SCEL: variants seen among roughly 807,000 people sequenced by gnomAD.
The protein encoded by SCEL is sciellin.
In SCEL, 113 loss-of-function variants were observed where a neutral mutation model predicts 117.6. The observed-to-expected ratio is 0.96, with a 90% CI of 0.83 to 1.12. The LOEUF (loss-of-function observed/expected upper bound fraction) is 1.12. Ranked by LOEUF, SCEL falls within the 50% of genes most tolerant of loss-of-function variation. The pLI is 0.00. For synonymous variants in SCEL, 270 were observed against 256.2 expected, an observed-to-expected ratio of 1.05 and a Z score of -0.51; for missense variants, 785 against 810.8, an observed-to-expected ratio of 0.97 and a Z score of 0.39.
At chr13:77,636,225 T>C (rs2090271488) in intron 29 of SCEL, among the ~76,000 whole-genome samples, 1 of 152,190 alleles carries the variant, frequency 6.6e-6, no homozygotes, top group Admixed American at 6.5e-5. Context: ...GTAGCCCTAG[T>C]GATGTTACTC....
chr13:77,569,398 C>A lies in SCEL; in HGVS notation c.426C>A (p.Asn142Lys). The change falls in exon 8 of 33, where the codon AAC (asparagine) becomes AAA (lysine). Residue 142 changes from asparagine to lysine, a missense_variant. Asn to Lys is a moderately conservative substitution (Grantham distance 94). Coordinates refer to ENST00000349847, the MANE Select transcript of SCEL (RefSeq NM_144777.3). ...AACCTGGCGGTTCATTGAATGCCAACACCTCCAACACCATAGCATCCACTT... is the reference window on the plus strand; with the variant it reads ...AACCTGGCGGTTCATTGAATGCCAAAACCTCCAACACCATAGCATCCACTT... Reference protein sequence around the residue: ...KLQPGGSLNANTSNTIASTSA... With the variant: ...KLQPGGSLNAKTSNTIASTSA... 6.2e-7 allele frequency: 1 copy of A among 1,613,932 alleles called. No homozygotes were observed. Among genetic ancestry groups the A allele is most frequent in the Non-Finnish European group, 8.5e-7 (1 of 1,179,826 alleles).
At chr13:77,579,731 C>T (rs934120159) in intron 9 of SCEL, among the ~76,000 whole-genome samples, 4 of 152,120 alleles carry the variant, frequency 2.6e-5, no homozygotes, top group African/African-American at 9.7e-5. Flanking sequence ...AGGCAGTAGA[C>T]GTTGTATCTG....
At position 77,568,431 on chromosome 13, in the gene SCEL, C is replaced by T; in HGVS notation, c.398+98C>T. Reference sequence around the variant, plus strand: ...CCAATTTTATTGGAATACAGCCATGCCCCTATTGCTCTGGCAGAGTTGAGT... The same window carrying T: ...CCAATTTTATTGGAATACAGCCATGTCCCTATTGCTCTGGCAGAGTTGAGT... On this transcript the variant is annotated intron_variant, in intron 7 of 32. Transcript: ENST00000349847. The T allele has an allele frequency of 4.4e-6, 3 of 684,976 alleles. No individual in the cohort carries two copies. The South Asian group carries it at 5.3e-5, about 12-fold the overall frequency. 42.4% of individuals were successfully genotyped at this position (684,976 alleles called of 1,614,324 possible). A position where few individuals can be genotyped will look rare whatever the true frequency, so the allele number is the denominator to read the frequency against.
chr13:77,561,528 A>C (rs572662438), intron 4 of SCEL, among the ~76,000 whole-genome samples: 1 of 152,192 alleles, frequency 6.6e-6, no homozygotes, highest in Non-Finnish European at 1.5e-5. Context: ...AGAGGGTATC[A>C]CTTGTCATTT....
chr13:77,585,459 T>C (rs536375706), intron 9 of SCEL, among the ~76,000 whole-genome samples: 1 of 152,210 alleles, frequency 6.6e-6, no homozygotes, highest in South Asian at 2.1e-4. Context: ...CCTGGGGTCA[T>C]GTGGGGTGAA....
chr13:77,605,788 C>T (rs946557707), intron 19 of SCEL, among the ~76,000 whole-genome samples: 13 of 152,038 alleles, frequency 8.6e-5, no homozygotes, highest in Non-Finnish European at 1.8e-4. Flanking sequence ...GGGTGGATCA[C>T]GAGGTCAGGG....
intron 10 of SCEL, 35 bp from the exon 11 acceptor site, chr13:77,591,360 C>G: frequency 7.9e-7 from 1 of 1,269,904 alleles, no homozygotes; most frequent in South Asian, 1.3e-5. Flanking sequence ...GTTTTCTTTT[C>G]TGACTGATAT....
chr13:77,621,523 G>A (rs1308321709), intron 27 of SCEL, among the ~76,000 whole-genome samples: 1 of 152,170 alleles, frequency 6.6e-6, no homozygotes, highest in Admixed American at 6.5e-5. Context: ...TTCTCGAGCT[G>A]TCTTTTCTGG....
intron 31 of SCEL, among the ~76,000 whole-genome samples, chr13:77,641,807 A>G (rs2090569471): frequency 6.6e-6 from 1 of 152,170 alleles, no homozygotes; most frequent in Non-Finnish European, 1.5e-5. Flanking sequence ...TATTACTTTC[A>G]AAAAGTGACA....
At chr13:77,568,273 T>C (rs763839067) in intron 6 of SCEL, 22 bp from the exon 7 acceptor site, 3 of 1,512,962 alleles carry the variant, frequency 2.0e-6, no homozygotes, top group Non-Finnish European at 2.7e-6. Context: ...GTTCAAACTT[T>C]GCTTTCTTTC....
At chr13:77,599,931 G>T in intron 15 of SCEL, 183 bp downstream of exon 15, 1 of 561,076 alleles carries the variant, frequency 1.8e-6, no homozygotes, top group Non-Finnish European at 3.2e-6. Flanking sequence ...GGTGACCCTG[G>T]GCAAGTTGTG....
intron 27 of SCEL, among the ~76,000 whole-genome samples, chr13:77,624,849 G>T (rs1411915504): frequency 6.6e-6 from 1 of 152,148 alleles, no homozygotes; most frequent in African/African-American, 2.4e-5. Context: ...TCCCCCTGGG[G>T]TTCCTTTAAT....
intron 13 of SCEL, 50 bp downstream of exon 13, chr13:77,597,639 T>G: frequency 9.7e-7 from 1 of 1,030,970 alleles, no homozygotes. Flanking sequence ...ATATTGTGAC[T>G]TTTTATGCCT....
At chr13:77,625,147 C>T (rs1296514995) in intron 27 of SCEL, among the ~76,000 whole-genome samples, 2 of 152,146 alleles carry the variant, frequency 1.3e-5, no homozygotes, top group African/African-American at 4.8e-5. Flanking sequence ...TACCACTGCC[C>T]ACCATCCCAG....
chr13:77,613,030 G>A (rs1366644551), intron 23 of SCEL, 89 bp downstream of exon 23: 2 of 748,072 alleles, frequency 2.7e-6, no homozygotes, highest in Admixed American at 3.1e-5. Flanking sequence ...AAGACATTTT[G>A]AAAGGGGACA....
chr13:77,567,637 A>G (rs768965558), intron 5 of SCEL, 43 bp from the exon 6 acceptor site: 3 of 1,396,372 alleles, frequency 2.1e-6, no homozygotes, highest in Non-Finnish European at 3.0e-6. Context: ...GAGTTTGATA[A>G]TTTAAATATT....
At position 77,640,785 on chromosome 13, in the gene SCEL, G is replaced by T. The variant is rs1304977586; in HGVS notation, c.1947+1G>T. 7.2e-7 allele frequency: 1 copy of T among 1,396,484 alleles called. No individual in the cohort carries two copies. Among genetic ancestry groups the T allele is most frequent in the Non-Finnish European group, 1.0e-6 (1 of 991,490 alleles). The allele number at this position is 1,396,484 out of a possible 1,614,324, so 86.5% of individuals were successfully genotyped here. A position where few individuals can be genotyped will look rare whatever the true frequency, so the allele number is the denominator to read the frequency against. The stretch of plus-strand genomic sequence containing the variant: ...TTGCTGCCATTCTACTTGCTTTAAG[G>T]TAAGGATGTGTTTATTTCACTTAAT... On this transcript the variant is annotated splice_donor_variant, in intron 31 of 32. Transcript: ENST00000349847. LOFTEE classifies it high-confidence loss of function.
rs182251733 is a variant in SCEL, at chr13:77,642,946, A to G, written c.2050+138A>G. 72 of 491,404 alleles carry G rather than the reference A, an allele frequency of 1.5e-4. No homozygotes were observed. In the East Asian group the frequency reaches 2.2e-3, roughly 15 times the overall value. The allele number at this position is 491,404 out of a possible 1,614,324, so 30.4% of individuals were successfully genotyped here. On this transcript the variant is annotated intron_variant, in intron 32 of 32. Transcript: ENST00000349847. Reference sequence around the variant, plus strand: ...TAATAATTCAGCTGCAGATATTTATACTATGGTAGTATTTTGTTTAATGGT... The same window carrying G: ...TAATAATTCAGCTGCAGATATTTATGCTATGGTAGTATTTTGTTTAATGGT...
chr13:77,634,520 A>G, intron 29 of SCEL, 70 bp downstream of exon 29: 1 of 1,132,622 alleles, frequency 8.8e-7, no homozygotes, highest in South Asian at 1.3e-5. Context: ...TTAATAAGAG[A>G]TGCTATTGTT....
Sources: gnomAD v4.1 joint callset for allele counts (sites outside exome capture counted in the v4.1 genomes callset) on GRCh38, gnomAD v4.1.1 for gene constraint, MANE v1.5 for transcripts, NCBI Gene and HGNC (gene_info 2026-07-23, HGNC 2026-07-21) for gene names.